Variants in KCMF1 observed in about 807,000 individuals in gnomAD.
The protein encoded by KCMF1 is E3 ubiquitin-protein ligase KCMF1.
KCMF1 carries 3 observed loss-of-function variants against 41.1 expected under a neutral mutation model. The ratio of observed to expected loss-of-function variants is 0.07; its 90% confidence interval spans 0.03 to 0.19. KCMF1 has a LOEUF of 0.19. Among genes scored for constraint, KCMF1 ranks in the 10% least tolerant of loss-of-function variants. The pLI is 1.00. For missense variants in KCMF1, 286 were observed against 488.9 expected (o/e 0.58, Z 3.91); for synonymous variants, 142 against 164.5 (o/e 0.86, Z 1.04).
rs1030357622 is a variant in KCMF1, at chr2:85,048,404, G to A, written c.602-962G>A. Among the ~76,000 whole-genome samples, 5 of 152,190 alleles carry A rather than the reference G, an allele frequency of 3.3e-5. No homozygotes were observed. The South Asian group carries it at 1.0e-3, about 32-fold the overall frequency. On this transcript the variant is annotated intron_variant, in intron 5 of 6. Transcript: ENST00000409785. ...ATTTTTTTTCTGTCAGTGAAAATTAGTTTATTTTAGTGATAGACTGTATAT... is the reference window on the plus strand; with the variant it reads ...ATTTTTTTTCTGTCAGTGAAAATTAATTTATTTTAGTGATAGACTGTATAT...
At chr2:85,042,852 G>A (rs757003039) in intron 3 of KCMF1, among the ~76,000 whole-genome samples, 18 of 151,898 alleles carry the variant, frequency 1.2e-4, no homozygotes, top group African/African-American at 3.9e-4. Flanking sequence ...CCCGCTCCCC[G>A]AACTGTGACT....
At chr2:84,994,591 C>T (rs56128602) in intron 1 of KCMF1, among the ~76,000 whole-genome samples, 10,135 of 151,948 alleles carry the variant, frequency 0.067, 587 homozygotes, top group East Asian at 0.34. Flanking sequence ...TTAGTAGAAA[C>T]GGGGTTTCTC....
chr2:85,005,031 C>T (rs1264676203), intron 1 of KCMF1, among the ~76,000 whole-genome samples: 2 of 151,910 alleles, frequency 1.3e-5, no homozygotes, highest in Non-Finnish European at 2.9e-5. Context: ...CTCAGCCTCC[C>T]AAGTAGCTGG....
At chr2:84,973,547 T>C (rs954522061) in intron 1 of KCMF1, among the ~76,000 whole-genome samples, 3 of 152,208 alleles carry the variant, frequency 2.0e-5, no homozygotes, top group South Asian at 2.1e-4. Flanking sequence ...TGAAGACTTA[T>C]AGTACAATAT....
intron 2 of KCMF1, among the ~76,000 whole-genome samples, chr2:85,033,319 G>A (rs1675323566): frequency 6.6e-6 from 1 of 152,028 alleles, no homozygotes; most frequent in African/African-American, 2.4e-5. Context: ...TCTTTTTAGT[G>A]GCGTAACACA....
At position 84,973,377 on chromosome 2, in the gene KCMF1, C is replaced by T. The variant is rs141766121; in HGVS notation, c.16+1910C>T. Among the ~76,000 whole-genome samples, 11 of 152,330 alleles carry T rather than the reference C, an allele frequency of 7.2e-5. No individual in the cohort carries two copies. In the East Asian group the frequency reaches 1.7e-3, roughly 24 times the overall value. ...TAAGCCCATTTCCCCCCATTTGGTG[C>T]TGTGCAAAGGTGTGTGGTTATGAAA... On this transcript the variant is annotated intron_variant, in intron 1 of 6. Transcript: ENST00000409785.
At chr2:84,996,259 G>T (rs1029518526) in intron 1 of KCMF1, among the ~76,000 whole-genome samples, 2 of 152,070 alleles carry the variant, frequency 1.3e-5, no homozygotes, top group African/African-American at 4.8e-5. Context: ...GTCTAGAATT[G>T]CTGATAGTGT....
At chr2:84,989,633 T>A (rs1336812192) in intron 1 of KCMF1, among the ~76,000 whole-genome samples, 1 of 152,212 alleles carries the variant, frequency 6.6e-6, no homozygotes, top group Non-Finnish European at 1.5e-5. Context: ...TGGTGATCGA[T>A]TAAGCATGAG....
rs1172596366 is a variant in KCMF1, at chr2:84,971,499, C to T, written c.16+32C>T. 6.7e-5 allele frequency: 81 copies of T among 1,206,324 alleles called. 1 individual carries two copies. The Admixed American group carries it at 2.4e-3, about 36-fold the overall frequency. 74.7% of individuals were successfully genotyped at this position (1,206,324 alleles called of 1,614,324 possible). On this transcript the variant is annotated intron_variant, in intron 1 of 6. Coordinates refer to ENST00000409785, the MANE Select transcript of KCMF1 (RefSeq NM_020122.5). ...GGAGCCCCCGCCCCCACCCGCACCT[C>T]CCGGGCCTCGGCCTACCCCGCCCGG...
chr2:85,044,753 A>G (rs534337745), intron 4 of KCMF1, among the ~76,000 whole-genome samples: 1 of 152,244 alleles, frequency 6.6e-6, no homozygotes, highest in African/African-American at 2.4e-5. Flanking sequence ...TCCTGACCTC[A>G]GGTGATCTGC....
chr2:85,046,936 T>C (rs898259787), intron 5 of KCMF1, among the ~76,000 whole-genome samples: 1 of 152,178 alleles, frequency 6.6e-6, no homozygotes, highest in Non-Finnish European at 1.5e-5. Context: ...AGTATATTTT[T>C]AGATTTACTC....
intron 1 of KCMF1, among the ~76,000 whole-genome samples, chr2:85,024,123 A>T (rs572301534): frequency 6.6e-6 from 1 of 152,214 alleles, no homozygotes; most frequent in Non-Finnish European, 1.5e-5. Context: ...TCTGTCATGT[A>T]TGTTGTACAT....
chr2:85,004,260 C>A (rs558384370), intron 1 of KCMF1, among the ~76,000 whole-genome samples: 18 of 152,028 alleles, frequency 1.2e-4, no homozygotes, highest in African/African-American at 4.3e-4. Flanking sequence ...ACCTGTAATC[C>A]CAGCACTTTG....
intron 1 of KCMF1, among the ~76,000 whole-genome samples, chr2:84,999,943 AAT>A (rs908140289): frequency 4.6e-5 from 7 of 152,140 alleles, no homozygotes; most frequent in African/African-American, 1.7e-4. Flanking sequence ...CCCTGGAGAA[AAT>A]ACTCCTTAAT....
chr2:85,013,199 A>G (rs539106350), intron 1 of KCMF1, among the ~76,000 whole-genome samples: 2 of 152,130 alleles, frequency 1.3e-5, no homozygotes, highest in African/African-American at 2.4e-5. Context: ...TTTAGGCTCT[A>G]AGCACTAAGT....
intron 1 of KCMF1, among the ~76,000 whole-genome samples, chr2:85,016,189 C>G (rs558672595): frequency 6.6e-6 from 1 of 152,270 alleles, no homozygotes; most frequent in East Asian, 1.9e-4. Context: ...CTGGATCTTG[C>G]TCCTGGATCA....
chr2:85,008,423 A>T (rs1674568235), intron 1 of KCMF1, among the ~76,000 whole-genome samples: 2 of 83,280 alleles, frequency 2.4e-5, no homozygotes, highest in African/African-American at 4.0e-5. Flanking sequence ...ATATTATGTG[A>T]TATATATGAT....
At chr2:84,979,595 G>A (rs914478024) in intron 1 of KCMF1, among the ~76,000 whole-genome samples, 4 of 151,508 alleles carry the variant, frequency 2.6e-5, no homozygotes, top group East Asian at 1.9e-4. Flanking sequence ...CAAAGGAAGC[G>A]CTCCCTAAAC....
At chr2:84,986,539 C>T (rs1673904874) in intron 1 of KCMF1, among the ~76,000 whole-genome samples, 1 of 152,006 alleles carries the variant, frequency 6.6e-6, no homozygotes, top group Admixed American at 6.6e-5. Context: ...ACCAGAGTTT[C>T]TGGAACAGAA....
Sources: gnomAD v4.1 joint callset for allele counts (sites outside exome capture counted in the v4.1 genomes callset) on GRCh38, gnomAD v4.1.1 for gene constraint, MANE v1.5 for transcripts, NCBI Gene and HGNC (gene_info 2026-07-23, HGNC 2026-07-21) for gene names.